Variants in AFDN observed in about 807,000 individuals in gnomAD.
The protein encoded by AFDN is afadin.
Under a neutral mutation model 216.6 loss-of-function variants are expected in AFDN, and 68 were observed. That is an observed-to-expected ratio of 0.31 (90% CI 0.26 to 0.38). AFDN has a LOEUF of 0.38. Among genes scored for constraint, AFDN ranks in the 10% least tolerant of loss-of-function variants. The probability of loss-of-function intolerance (pLI) is 1.00; values close to 1 mark genes in which losing one functional copy is unlikely to be tolerated. For synonymous variants in AFDN, 868 were observed against 853.7 expected (o/e 1.02, Z -0.29); for missense variants, 2,136 against 2,342.0 (o/e 0.91, Z 1.82).
intron 15 of AFDN, chr6:167,911,835 A>T: frequency 3.2e-6 from 1 of 309,890 alleles, no homozygotes. Flanking sequence ...TGAACAATTC[A>T]GTCGCATTTG....
rs1350604844 is a variant in AFDN at position 167,962,108 on chromosome 6, CGGGT to C, written c.4834-324_4834-321del. ...GTTTGAGCCTGTTAATTTACATGAA[CGGGT>C]TAACTAAATTTGTTCCAGTAAAAGA... is the stretch of plus-strand genomic sequence containing the variant. On this transcript the variant is annotated intron_variant, in intron 30 of 33. Coordinates refer to ENST00000683244, the MANE Select transcript of AFDN (RefSeq NM_001386888.1). The surrounding 1 kb of genome is among the most constrained non-coding windows in gnomAD (Gnocchi z 5.2). Among the ~76,000 whole-genome samples, 6 of 152,116 alleles carry C rather than the reference CGGGT, an allele frequency of 3.9e-5. No individual in the cohort carries two copies. Among genetic ancestry groups the C allele is most frequent in the African/African-American group, 1.4e-4 (6 of 41,420 alleles).
intron 29 of AFDN, 90 bp downstream of exon 29, chr6:167,948,568 G>A: frequency 1.6e-6 from 2 of 1,241,812 alleles, no homozygotes; most frequent in Non-Finnish European, 2.2e-6. Context: ...CTATAGAACA[G>A]CATTGTTGGC....
At chr6:167,931,086 A>G in intron 23 of AFDN, among the ~76,000 whole-genome samples, 1 of 152,336 alleles carries the variant, frequency 6.6e-6, no homozygotes, top group African/African-American at 2.4e-5. Flanking sequence ...GAAGGCGGGC[A>G]TCTTCTCTTG....
Position 167,922,150 on chromosome 6 carries a change from G to A in AFDN, c.2909-706G>A, listed in dbSNP as rs140843981. 1.1e-3 allele frequency among the ~76,000 whole-genome samples: 173 copies of A among 152,200 alleles called. 2 individuals carry two copies. Among genetic ancestry groups the A allele is most frequent in the African/African-American group, 4.1e-3 (172 of 41,532 alleles). ...AGGGCCCGTGTGATAGATAGGAGTT[G>A]GTCAAAAACATTGCTGAGAAACAAA... On this transcript the variant is annotated intron_variant, in intron 21 of 33. Transcript: ENST00000683244.
rs779112254 is a variant in AFDN at position 167,918,921 on chromosome 6, C to T, written c.2896C>T (p.Leu966=). Residue 966 remains leucine (L), a synonymous_variant, in exon 21 of 34, where the codon CTG becomes TTG. Transcript: ENST00000683244. ...PNGLQEFLDP[L]CQRGFCRLIP... ...TGGTTTACAAGAATTTTTAGACCCT[C>T]TGTGCCAGAGAGGTAAATTAGTCTA... The T allele has an allele frequency of 6.2e-7, 1 of 1,613,648 alleles. No individual in the cohort carries two copies. Among genetic ancestry groups the T allele is most frequent in the Non-Finnish European group, 8.5e-7 (1 of 1,179,698 alleles).
intron 30 of AFDN, among the ~76,000 whole-genome samples, chr6:167,961,986 G>A (rs1031076074): frequency 6.6e-6 from 1 of 152,200 alleles, no homozygotes. Context: ...GCGAGTGGGG[G>A]CCTCCCTCTT....
At chr6:167,908,561 A>T (rs1790004851) in intron 13 of AFDN, among the ~76,000 whole-genome samples, 1 of 152,232 alleles carries the variant, frequency 6.6e-6, no homozygotes, top group Non-Finnish European at 1.5e-5. Context: ...TATGAATCAT[A>T]GTTCTTAGCT....
chr6:167,954,376 G>C (rs1055248423), intron 30 of AFDN: 1 of 1,112,634 alleles, frequency 9.0e-7, no homozygotes, highest in Non-Finnish European at 1.3e-6. Context: ...AAAATATGCC[G>C]ATGGCAGATT....
chr6:167,934,728 A>T (rs181962241), intron 23 of AFDN, among the ~76,000 whole-genome samples: 187 of 152,074 alleles, frequency 1.2e-3, no homozygotes, highest in Middle Eastern at 3.4e-3. Flanking sequence ...TTGTGTTTTA[A>T]TGATGTCTTT....
chr6:167,898,227 C>G lies in AFDN; in HGVS notation c.1340C>G (p.Pro447Arg). The G allele has an allele frequency of 6.2e-7, 1 of 1,614,028 alleles. No homozygotes were observed. The highest frequency in any genetic ancestry group is 1.1e-5 in the South Asian group (1 of 91,066). The change falls in exon 11 of 34, where the codon CCC becomes CGC. Residue 447 changes from proline to arginine, a missense_variant. Around this residue, in one of 8 missense-constraint regions of AFDN, gnomAD observed 817 missense variants for 965.7 expected, o/e 0.85. Coordinates refer to ENST00000683244, the MANE Select transcript of AFDN (RefSeq NM_001386888.1). ...CAGTTGTTTGGCCCAGGAATTCAGC[C>G]CCATCACTGTGACCTTACCAACATG... ...SIQLFGPGIQ[P>R]HHCDLTNMDG...
intron 1 of AFDN, among the ~76,000 whole-genome samples, chr6:167,863,982 A>G (rs1363004983): frequency 6.6e-6 from 1 of 152,170 alleles, no homozygotes; most frequent in African/African-American, 2.4e-5. Context: ...AAGAGTTTTC[A>G]TTTATTCACA....
At chr6:167,952,713 C>G (rs911002062) in intron 30 of AFDN, among the ~76,000 whole-genome samples, 3 of 152,208 alleles carry the variant, frequency 2.0e-5, no homozygotes, top group Non-Finnish European at 4.4e-5. Context: ...TGTCTGGCCC[C>G]TGGTCTTGTC....
chr6:167,832,676 A>T (rs1337818286), intron 1 of AFDN, among the ~76,000 whole-genome samples: 1 of 152,226 alleles, frequency 6.6e-6, no homozygotes, highest in Non-Finnish European at 1.5e-5. Flanking sequence ...ATACTTACAA[A>T]TTTATGCATG....
rs944970756 is a variant in AFDN, at chr6:167,913,337, A to G, written c.2038-66A>G. On this transcript the variant is annotated intron_variant, in intron 15 of 33. Transcript: ENST00000683244. Reference sequence around the variant, plus strand: ...ATTAGTGTTTTGATTTTTTTAAACTATCATGATTGTTTACAAGTTTCTTTC... The same window carrying G: ...ATTAGTGTTTTGATTTTTTTAAACTGTCATGATTGTTTACAAGTTTCTTTC... 8 of 1,466,270 alleles carry G rather than the reference A, an allele frequency of 5.5e-6. No homozygotes were observed. The Admixed American group carries it at 5.9e-5, about 11-fold the overall frequency. The allele number at this position is 1,466,270 out of a possible 1,614,324, so 90.8% of individuals were successfully genotyped here.
chr6:167,932,147 C>T (rs1793386850), intron 23 of AFDN, among the ~76,000 whole-genome samples: 2 of 152,158 alleles, frequency 1.3e-5, no homozygotes, highest in Admixed American at 6.5e-5. Context: ...AATTTTACCC[C>T]TAGTCATTTG....
intron 23 of AFDN, among the ~76,000 whole-genome samples, chr6:167,931,768 G>C (rs925813472): frequency 2.6e-5 from 4 of 152,136 alleles, no homozygotes; most frequent in Non-Finnish European, 4.4e-5. Context: ...GTGCAGGGTA[G>C]GGCAGTATAC....
intron 30 of AFDN, among the ~76,000 whole-genome samples, chr6:167,956,520 C>A (rs1218217498): frequency 3.3e-5 from 5 of 152,144 alleles, no homozygotes; most frequent in African/African-American, 1.2e-4. Flanking sequence ...CCAGCAATAT[C>A]CTCATTTGAT....
chr6:167,852,697 A>G (rs1782458030), intron 1 of AFDN, among the ~76,000 whole-genome samples: 1 of 152,064 alleles, frequency 6.6e-6, no homozygotes, highest in Non-Finnish European at 1.5e-5. Context: ...TGTATTGCTT[A>G]TTTTCCAGAG....
intron 12 of AFDN, among the ~76,000 whole-genome samples, chr6:167,904,991 C>T (rs1179749996): frequency 1.3e-5 from 2 of 152,184 alleles, no homozygotes; most frequent in Non-Finnish European, 2.9e-5. Flanking sequence ...GTTGCTCACT[C>T]AGGCCACACG....
Sources: allele counts gnomAD v4.1 joint callset (sites outside exome capture counted in the v4.1 genomes callset), GRCh38; gene constraint gnomAD v4.1.1; regional missense constraint gnomAD v4.1.1; non-coding constraint Gnocchi (gnomAD v3.1); transcripts MANE v1.5; gene names NCBI Gene and HGNC (gene_info 2026-07-23, HGNC 2026-07-21).